The following THSD7A variants were observed in gnomAD, a reference collection of about 807,000 sequenced individuals.
The protein encoded by THSD7A is thrombospondin type 1 domain containing 7A.
In THSD7A, 96 loss-of-function variants were observed where a neutral mutation model predicts 231.3. The ratio of observed to expected loss-of-function variants is 0.41; its 90% confidence interval spans 0.35 to 0.49. The LOEUF (loss-of-function observed/expected upper bound fraction) is 0.49. THSD7A is among the 20% of genes least tolerant of loss of function. THSD7A has a pLI of 0.05. For missense variants in THSD7A, 2,290 were observed against 2,070.2 expected (o/e 1.11, Z -2.06); for synonymous variants, 940 against 743.3 (o/e 1.26, Z -4.30).
intron 1 of THSD7A, chr7:11,820,744 C>T: frequency 3.3e-6 from 4 of 1,207,482 alleles, no homozygotes; most frequent in Non-Finnish European, 4.9e-6. Context: ...CTTCAGTGTA[C>T]TCTTCTGCTT....
chr7:11,778,882 C>A (rs1220577208), intron 1 of THSD7A, among the ~76,000 whole-genome samples: 1 of 152,050 alleles, frequency 6.6e-6, no homozygotes, highest in Middle Eastern at 3.2e-3. Flanking sequence ...CAACACTGTG[C>A]AGACTCTAAA....
intron 1 of THSD7A, among the ~76,000 whole-genome samples, chr7:11,703,228 A>C (rs980289877): frequency 3.3e-5 from 5 of 151,288 alleles, no homozygotes; most frequent in Admixed American, 3.3e-4. Context: ...AGAGGCTAGA[A>C]AATATTTTTT....
chr7:11,394,078 G>T (rs1314042049), intron 23 of THSD7A, among the ~76,000 whole-genome samples: 1 of 152,122 alleles, frequency 6.6e-6, no homozygotes. Flanking sequence ...ATTCACAAAG[G>T]TTGAAATGAA....
At chr7:11,579,611 A>G (rs980256145) in intron 4 of THSD7A, among the ~76,000 whole-genome samples, 2 of 152,190 alleles carry the variant, frequency 1.3e-5, no homozygotes, top group African/African-American at 4.8e-5. Flanking sequence ...GGTTACAGGT[A>G]TGAAGTAAGA....
intron 4 of THSD7A, among the ~76,000 whole-genome samples, chr7:11,560,446 T>C (rs1057513629): frequency 5.1e-5 from 5 of 98,588 alleles, no homozygotes; most frequent in African/African-American, 2.3e-4. Context: ...GACTATAAAA[T>C]TTGTCTAAGC....
intron 25 of THSD7A, 25 bp from the exon 26 acceptor site, chr7:11,379,305 A>T (rs182955759): frequency 4.4e-5 from 71 of 1,607,110 alleles, no homozygotes; most frequent in Non-Finnish European, 5.6e-5. Flanking sequence ...GAAGATTTAT[A>T]CTAGCCATGC....
intron 10 of THSD7A, 64 bp from the exon 11 acceptor site, chr7:11,460,829 C>G (rs1171443869): frequency 1.6e-5 from 21 of 1,313,194 alleles, no homozygotes; most frequent in South Asian, 1.3e-5. Flanking sequence ...CACAGAGACA[C>G]AGCAGCATGG....
chr7:11,748,986 C>G (rs1291151699), intron 1 of THSD7A, among the ~76,000 whole-genome samples: 1 of 151,862 alleles, frequency 6.6e-6, no homozygotes, highest in Non-Finnish European at 1.5e-5. Context: ...GGGAGGGGAG[C>G]AGCTCCTCTG....
At chr7:11,818,029 G>T (rs186376895) in intron 1 of THSD7A, among the ~76,000 whole-genome samples, 18 of 152,228 alleles carry the variant, frequency 1.2e-4, no homozygotes, top group Admixed American at 1.1e-3. Flanking sequence ...AACGTTTATA[G>T]TCACACTCTG....
At chr7:11,445,627 G>A (rs1205767336) in intron 13 of THSD7A, among the ~76,000 whole-genome samples, 1 of 151,886 alleles carries the variant, frequency 6.6e-6, no homozygotes, top group African/African-American at 2.4e-5. Flanking sequence ...ATGACATTTT[G>A]TGCATATTGC....
chr7:11,589,310 T>C (rs1368951546), intron 4 of THSD7A, among the ~76,000 whole-genome samples: 1 of 152,170 alleles, frequency 6.6e-6, no homozygotes, highest in African/African-American at 2.4e-5. Flanking sequence ...CCATCTTTAC[T>C]GGTGAGATTT....
At chr7:11,502,324 G>T (rs981417619) in intron 6 of THSD7A, among the ~76,000 whole-genome samples, 4 of 152,060 alleles carry the variant, frequency 2.6e-5, no homozygotes, top group Non-Finnish European at 4.4e-5. Flanking sequence ...ACATGGCAGA[G>T]ACACAACAAC....
chr7:11,453,899 T>C (rs1364058205), intron 11 of THSD7A, among the ~76,000 whole-genome samples: 3 of 152,010 alleles, frequency 2.0e-5, no homozygotes, highest in Non-Finnish European at 4.4e-5. Context: ...CTAATGCAAA[T>C]TTAATGGCAA....
intron 1 of THSD7A, among the ~76,000 whole-genome samples, chr7:11,757,394 A>G (rs1432659891): frequency 6.6e-6 from 1 of 152,036 alleles, no homozygotes; most frequent in African/African-American, 2.4e-5. Context: ...GCAATGCTAC[A>G]TACTTTCAGA....
At position 11,372,617 on chromosome 7, in the gene THSD7A, C is replaced by A. The variant is rs1782099440; in HGVS notation, c.*3177G>T. ...CGTGGTTTCTAGTGAAATAGTCCAGCAAAATCATATAATACTGTGTCAAAC... is the reference window on the plus strand; with the variant it reads ...CGTGGTTTCTAGTGAAATAGTCCAGAAAAATCATATAATACTGTGTCAAAC... On this transcript the variant is annotated 3_prime_UTR_variant, in exon 28 of 28. Transcript: ENST00000423059. 1 of 151,998 alleles carries A rather than the reference C, an allele frequency of 6.6e-6. No homozygotes were observed. Among genetic ancestry groups the A allele is most frequent in the Non-Finnish European group, 1.5e-5 (1 of 67,984 alleles). 9.4% of individuals were successfully genotyped at this position (151,998 alleles called of 1,614,324 possible). A position where few individuals can be genotyped will look rare whatever the true frequency, so the allele number is the denominator to read the frequency against.
chr7:11,739,786 G>A (rs551134466), intron 1 of THSD7A, among the ~76,000 whole-genome samples: 34 of 151,844 alleles, frequency 2.2e-4, no homozygotes, highest in South Asian at 1.5e-3. Context: ...TACACCTGTC[G>A]TACCCTGCTT....
Position 11,662,044 on chromosome 7 carries a change from G to A in THSD7A, c.191-25083C>T, listed in dbSNP as rs1301199501. ...TGGCTAATAAAAATAATCAGAGAAA[G>A]AAAGGAGAGAAAAAGATACATAGAA... is the stretch of plus-strand genomic sequence containing the variant. On this transcript the variant is annotated intron_variant, in intron 1 of 27. Coordinates refer to ENST00000423059, the MANE Select transcript of THSD7A (RefSeq NM_015204.3). Among the ~76,000 whole-genome samples the A allele has an allele frequency of 2.7e-5, 4 of 150,602 alleles. No homozygotes were observed. In the Admixed American group the frequency reaches 2.7e-4, roughly 10 times the overall value.
At chr7:11,697,273 A>G (rs912600164) in intron 1 of THSD7A, among the ~76,000 whole-genome samples, 1 of 151,412 alleles carries the variant, frequency 6.6e-6, no homozygotes, top group African/African-American at 2.4e-5. Flanking sequence ...TACCTGGAAT[A>G]ACCTCTCCAC....
At chr7:11,605,382 A>G in intron 2 of THSD7A, among the ~76,000 whole-genome samples, 1 of 152,084 alleles carries the variant, frequency 6.6e-6, no homozygotes, top group Non-Finnish European at 1.5e-5. Flanking sequence ...GAAGTTTAAC[A>G]TCTGCAGTCT....
Sources: allele counts gnomAD v4.1 joint callset (sites outside exome capture counted in the v4.1 genomes callset), GRCh38; gene constraint gnomAD v4.1.1; transcripts MANE v1.5; gene names NCBI Gene and HGNC (gene_info 2026-07-23, HGNC 2026-07-21).